DCLK1: variants seen among roughly 807,000 people sequenced by gnomAD.
DCLK1 encodes the protein serine/threonine-protein kinase DCLK1.
Under a neutral mutation model 86.2 loss-of-function variants are expected in DCLK1, and 16 were observed. That is an observed-to-expected ratio of 0.19 (90% confidence interval 0.13 to 0.28). The LOEUF (loss-of-function observed/expected upper bound fraction) is 0.28. Ranked by LOEUF, DCLK1 falls within the 10% of genes least tolerant of loss-of-function variation. DCLK1 has a pLI of 1.00. For missense variants in DCLK1, 590 were observed against 940.2 expected, an observed-to-expected ratio of 0.63 and a Z score of 4.87; for synonymous variants, 369 against 370.5, an observed-to-expected ratio of 1.00 and a Z score of 0.05.
intron 4 of DCLK1, among the ~76,000 whole-genome samples, chr13:35,885,587 TTCAA>T (rs1873178633): frequency 6.6e-6 from 1 of 152,194 alleles, no homozygotes; most frequent in African/African-American, 2.4e-5. Context: ...AGGTTTTACT[TTCAA>T]GAAATAAGCA....
chr13:36,111,294 G>A (rs1885610340), intron 3 of DCLK1, among the ~76,000 whole-genome samples: 1 of 152,050 alleles, frequency 6.6e-6, no homozygotes. Flanking sequence ...TCATTCTGTA[G>A]CTGAAAAACC....
At chr13:36,113,893 C>T (rs1435461558) in intron 2 of DCLK1, among the ~76,000 whole-genome samples, 1 of 152,104 alleles carries the variant, frequency 6.6e-6, no homozygotes, top group African/African-American at 2.4e-5. Context: ...TTATATTGAA[C>T]AGTTACCAGT....
At chr13:35,918,368 G>A (rs1197246023) in intron 4 of DCLK1, among the ~76,000 whole-genome samples, 2 of 152,178 alleles carry the variant, frequency 1.3e-5, no homozygotes, top group South Asian at 2.1e-4. Context: ...AACCCGAAAC[G>A]TGGAGGAGTG....
intron 4 of DCLK1, among the ~76,000 whole-genome samples, chr13:35,923,166 T>C (rs1419831394): frequency 6.6e-6 from 1 of 152,124 alleles, no homozygotes; most frequent in Non-Finnish European, 1.5e-5. Flanking sequence ...GAAAGACCCC[T>C]GGGTGGATCT....
intron 10 of DCLK1, among the ~76,000 whole-genome samples, chr13:35,826,131 G>A (rs2087518053): frequency 6.6e-6 from 1 of 151,858 alleles, no homozygotes; most frequent in African/African-American, 2.4e-5. Flanking sequence ...CTGCCCAGCC[G>A]ACTTTTCTTT....
intron 8 of DCLK1, 48 bp from the exon 9 acceptor site, chr13:35,828,355 CTA>C (rs774311736): frequency 2.0e-6 from 3 of 1,481,228 alleles, no homozygotes; most frequent in South Asian, 2.4e-5. Flanking sequence ...AACTTCAAAT[CTA>C]TTGAATTATT....
At chr13:35,851,977 G>A (rs183710709) in intron 6 of DCLK1, among the ~76,000 whole-genome samples, 17 of 148,376 alleles carry the variant, frequency 1.1e-4, no homozygotes, top group Admixed American at 4.8e-4. Flanking sequence ...CAAGGCGCGC[G>A]TGTGTGCATG....
intron 4 of DCLK1, among the ~76,000 whole-genome samples, chr13:35,941,130 T>C (rs1877056246): frequency 6.6e-6 from 1 of 152,142 alleles, no homozygotes; most frequent in South Asian, 2.1e-4. Flanking sequence ...CTCAACACAA[T>C]CCCACTATTC....
At chr13:35,898,951 G>A (rs1429004155) in intron 4 of DCLK1, among the ~76,000 whole-genome samples, 2 of 152,040 alleles carry the variant, frequency 1.3e-5, no homozygotes, top group Non-Finnish European at 2.9e-5. Context: ...ATGTTGCCCA[G>A]GCTGGTCTCA....
Position 36,126,319 on chromosome 13 carries a change from T to C in DCLK1, c.-19-163A>G, listed in dbSNP as rs149567682. Among the ~76,000 whole-genome samples, 1,336 of 152,274 alleles carry C rather than the reference T, an allele frequency of 8.8e-3. 9 individuals carry two copies. Among genetic ancestry groups the C allele is most frequent in the Middle Eastern group, 0.044 (13 of 294 alleles). ...TGAAGTACTCACTGAAGCCTCACAC[T>C]CCTGGGCTCAAATGATCCTCCTGCA... On this transcript the variant is annotated intron_variant, in intron 1 of 16. Transcript: ENST00000360631.
At chr13:36,047,439 G>A (rs1882956429) in intron 3 of DCLK1, among the ~76,000 whole-genome samples, 1 of 152,050 alleles carries the variant, frequency 6.6e-6, no homozygotes, top group South Asian at 2.1e-4. Flanking sequence ...GTCAATCAAT[G>A]GATAGATACA....
intron 11 of DCLK1, among the ~76,000 whole-genome samples, chr13:35,814,252 A>G (rs1312668306): frequency 6.6e-6 from 1 of 152,250 alleles, no homozygotes; most frequent in Non-Finnish European, 1.5e-5. Context: ...ACCCATTTAA[A>G]GCCTGCACGC....
At chr13:35,862,142 T>A (rs1209041701) in intron 5 of DCLK1, among the ~76,000 whole-genome samples, 3 of 152,138 alleles carry the variant, frequency 2.0e-5, no homozygotes, top group Non-Finnish European at 2.9e-5. Context: ...TACCTTATGT[T>A]TCTATTATTC....
chr13:36,002,079 C>G (rs1880746593), intron 3 of DCLK1, among the ~76,000 whole-genome samples: 1 of 152,074 alleles, frequency 6.6e-6, no homozygotes, highest in Non-Finnish European at 1.5e-5. Context: ...CCAGGTAAAA[C>G]ATATGATAAA....
chr13:35,974,290 G>T (rs1879215318), intron 3 of DCLK1, among the ~76,000 whole-genome samples: 1 of 152,122 alleles, frequency 6.6e-6, no homozygotes, highest in South Asian at 2.1e-4. Flanking sequence ...TTTAAAATGA[G>T]GTCAGTGGGG....
At chr13:36,090,588 T>G (rs1884783279) in intron 3 of DCLK1, among the ~76,000 whole-genome samples, 1 of 151,566 alleles carries the variant, frequency 6.6e-6, no homozygotes, top group African/African-American at 2.4e-5. Context: ...AGAACGTAGG[T>G]AGGAGAGGAA....
chr13:36,083,654 C>T (rs1161084542), intron 3 of DCLK1, among the ~76,000 whole-genome samples: 1 of 152,140 alleles, frequency 6.6e-6, no homozygotes, highest in Non-Finnish European at 1.5e-5. Context: ...ACAAATAAAT[C>T]ATCCAAGGAA....
chr13:36,062,906 C>A (rs1001884336), intron 3 of DCLK1, among the ~76,000 whole-genome samples: 1 of 152,148 alleles, frequency 6.6e-6, no homozygotes. Flanking sequence ...ATAATCCTGA[C>A]CCAAGTGTCA....
intron 10 of DCLK1, 123 bp from the exon 11 acceptor site, chr13:35,822,998 G>A: frequency 8.6e-7 from 1 of 1,165,160 alleles, no homozygotes; most frequent in Non-Finnish European, 1.2e-6. Context: ...GGTTCCTAAA[G>A]GCTTTTCCTG....
Sources: allele counts gnomAD v4.1 joint callset (sites outside exome capture counted in the v4.1 genomes callset), GRCh38; gene constraint gnomAD v4.1.1; transcripts MANE v1.5; gene names NCBI Gene and HGNC (gene_info 2026-07-23, HGNC 2026-07-21).